CDYL: variants seen among roughly 807,000 people sequenced by gnomAD.
CDYL encodes the protein chromodomain Y like.
Under a neutral mutation model 47.3 loss-of-function variants are expected in CDYL, and 8 were observed. That is an observed-to-expected ratio of 0.17 (90% confidence interval 0.10 to 0.31). The LOEUF (loss-of-function observed/expected upper bound fraction) is 0.31, where lower values mean the gene tolerates loss of function less well. Among genes scored for constraint, CDYL ranks in the 10% least tolerant of loss-of-function variants. The pLI is 1.00. For synonymous variants in CDYL, 266 were observed against 265.0 expected (o/e 1.00, Z -0.04); for missense variants, 471 against 701.4 (o/e 0.67, Z 3.71).
At chr6:4,800,973 T>G (rs1344844563) in intron 1 of CDYL, among the ~76,000 whole-genome samples, 2 of 152,258 alleles carry the variant, frequency 1.3e-5, no homozygotes, top group Non-Finnish European at 1.5e-5. Flanking sequence ...TCAGTTGTTG[T>G]GTCTTCAGAT....
At chr6:4,761,688 C>G (rs1758178128) in intron 3 of CDYL, among the ~76,000 whole-genome samples, 1 of 152,172 alleles carries the variant, frequency 6.6e-6, no homozygotes, top group Non-Finnish European at 1.5e-5. Context: ...TGGTAGTATT[C>G]AAATACCCAA....
intron 2 of CDYL, among the ~76,000 whole-genome samples, chr6:4,717,826 A>T (rs1028998409): frequency 5.5e-5 from 8 of 144,784 alleles, no homozygotes; most frequent in African/African-American, 1.5e-4. Flanking sequence ...CTTCACAGAC[A>T]TCACCCTGTT....
At chr6:4,812,808 T>A (rs1178740810) in intron 1 of CDYL, among the ~76,000 whole-genome samples, 1 of 152,188 alleles carries the variant, frequency 6.6e-6, no homozygotes, top group Admixed American at 6.5e-5. Context: ...AGCCTTCTGA[T>A]ACTCATCTCT....
chr6:4,903,313 A>G (rs1757126513), intron 2 of CDYL, among the ~76,000 whole-genome samples: 1 of 152,154 alleles, frequency 6.6e-6, no homozygotes, highest in Non-Finnish European at 1.5e-5. Flanking sequence ...GCTGCATCCC[A>G]GTGCTCAAGG....
At position 4,954,111 on chromosome 6, in the gene CDYL, C is replaced by A; in HGVS notation, c.*55C>A. 1.3e-6 allele frequency: 2 copies of A among 1,551,614 alleles called. No homozygotes were observed. Among genetic ancestry groups the A allele is most frequent in the Non-Finnish European group, 1.8e-6 (2 of 1,140,738 alleles). The stretch of plus-strand genomic sequence containing the variant: ...ATCGGGCTGAGCAGGAGAACATCAC[C>A]GGCTCCAGTTCCCCTGATCCATTCT... On this transcript the variant is annotated 3_prime_UTR_variant, in exon 7 of 7. Coordinates refer to ENST00000397588, the MANE Select transcript of CDYL (RefSeq NM_004824.4).
chr6:4,899,264 G>C (rs957810003), intron 2 of CDYL, among the ~76,000 whole-genome samples: 1 of 152,240 alleles, frequency 6.6e-6, no homozygotes. Flanking sequence ...TCTTAGGTTT[G>C]TGGCTGGGGC....
intron 2 of CDYL, among the ~76,000 whole-genome samples, chr6:4,929,244 A>G (rs559087293): frequency 1.3e-5 from 2 of 151,212 alleles, no homozygotes; most frequent in South Asian, 2.1e-4. Context: ...TTTTCTCTTC[A>G]TACACTTCAA....
chr6:4,947,736 T>G (rs1250931983), intron 5 of CDYL, among the ~76,000 whole-genome samples: 1 of 152,078 alleles, frequency 6.6e-6, no homozygotes, highest in Non-Finnish European at 1.5e-5. Flanking sequence ...GTCTGGTAGA[T>G]TAGGTGCCAG....
At chr6:4,933,279 G>A (rs529783402) in intron 2 of CDYL, among the ~76,000 whole-genome samples, 1 of 152,296 alleles carries the variant, frequency 6.6e-6, no homozygotes, top group African/African-American at 2.4e-5. Flanking sequence ...TGATCTAGAT[G>A]TGCACTTTGG....
chr6:4,920,524 C>T (rs891951050), intron 2 of CDYL, among the ~76,000 whole-genome samples: 1 of 152,210 alleles, frequency 6.6e-6, no homozygotes, highest in African/African-American at 2.4e-5. Flanking sequence ...GGCGCCGTTC[C>T]TGGAACAGCA....
intron 2 of CDYL, among the ~76,000 whole-genome samples, chr6:4,717,915 G>A (rs556118244): frequency 4.2e-4 from 64 of 151,108 alleles, no homozygotes; most frequent in Admixed American, 6.6e-4. Flanking sequence ...GGCTCAGGAC[G>A]GCTCACAAGA....
chr6:4,929,161 T>C (rs1234890010), intron 2 of CDYL, among the ~76,000 whole-genome samples: 1 of 152,182 alleles, frequency 6.6e-6, no homozygotes, highest in South Asian at 2.1e-4. Flanking sequence ...TATCTAGAAA[T>C]GTGTTTGTTT....
At chr6:4,856,103 G>A (rs1760999998) in intron 1 of CDYL, among the ~76,000 whole-genome samples, 2 of 152,168 alleles carry the variant, frequency 1.3e-5, no homozygotes, top group African/African-American at 4.8e-5. Flanking sequence ...CTCCTTTGTG[G>A]TCACAGCACA....
intron 3 of CDYL, among the ~76,000 whole-genome samples, chr6:4,764,101 C>G (rs906824570): frequency 2.6e-5 from 4 of 152,120 alleles, no homozygotes; most frequent in African/African-American, 9.7e-5. Flanking sequence ...CCAGTAATTA[C>G]TTTAAATGTA....
chr6:4,862,855 C>T (rs1261959683), intron 1 of CDYL, among the ~76,000 whole-genome samples: 1 of 152,136 alleles, frequency 6.6e-6, no homozygotes, highest in Non-Finnish European at 1.5e-5. Context: ...TACTGGGTAT[C>T]TACCTAAAGA....
intron 2 of CDYL, among the ~76,000 whole-genome samples, chr6:4,935,128 T>A (rs1265863561): frequency 6.6e-6 from 1 of 152,246 alleles, no homozygotes; most frequent in Non-Finnish European, 1.5e-5. Flanking sequence ...TGGCCTTGAC[T>A]CTAATAATAA....
intron 3 of CDYL, among the ~76,000 whole-genome samples, chr6:4,741,652 T>G (rs1757799778): frequency 6.6e-6 from 1 of 152,136 alleles, no homozygotes; most frequent in Admixed American, 6.6e-5. Flanking sequence ...CAACTACTTT[T>G]ATCTCACTGG....
chr6:4,838,315 C>G (rs1384934830), intron 1 of CDYL, among the ~76,000 whole-genome samples: 3 of 152,038 alleles, frequency 2.0e-5, no homozygotes, highest in African/African-American at 4.8e-5. Flanking sequence ...CCCTCCCACC[C>G]TTTCCCCCAA....
chr6:4,740,324 A>G (rs937689019), intron 3 of CDYL, among the ~76,000 whole-genome samples: 4 of 152,156 alleles, frequency 2.6e-5, no homozygotes, highest in African/African-American at 4.8e-5. Context: ...CCTGGGGACA[A>G]TTTTCACTGC....
Sources: allele counts gnomAD v4.1 joint callset (sites outside exome capture counted in the v4.1 genomes callset), GRCh38; gene constraint gnomAD v4.1.1; transcripts MANE v1.5; gene names NCBI Gene and HGNC (gene_info 2026-07-23, HGNC 2026-07-21).